STK33: variants seen among roughly 807,000 people sequenced by gnomAD.
STK33 encodes serine/threonine kinase 33.
Under a neutral mutation model 58.0 loss-of-function variants are expected in STK33, and 52 were observed. That is an observed-to-expected ratio of 0.90 (90% CI 0.72 to 1.13). The LOEUF is 1.13. Among genes scored for constraint, STK33 ranks in the 50% most tolerant of loss-of-function variants. The pLI is 0.00. For synonymous variants in STK33, 215 were observed against 200.1 expected, an observed-to-expected ratio of 1.07 and a Z score of -0.63; for missense variants, 630 against 604.2, an observed-to-expected ratio of 1.04 and a Z score of -0.45.
At chr11:8,476,482 A>G (rs1166411638) in intron 4 of STK33, among the ~76,000 whole-genome samples, 1 of 152,210 alleles carries the variant, frequency 6.6e-6, no homozygotes, top group Non-Finnish European at 1.5e-5. Context: ...TTTCTCTCAG[A>G]TACAGTAGCC....
intron 1 of STK33, among the ~76,000 whole-genome samples, chr11:8,488,007 C>T (rs1950308507): frequency 6.6e-6 from 1 of 152,158 alleles, no homozygotes; most frequent in South Asian, 2.1e-4. Flanking sequence ...AAAGTAATAA[C>T]CCACAATCCT....
At position 8,570,887 on chromosome 11, in the gene STK33, T is replaced by TAC. The variant is rs147983182; in HGVS notation, c.-466+23194_-466+23195dup. 2.3e-3 allele frequency among the ~76,000 whole-genome samples: 349 copies of TAC among 152,054 alleles called. 1 individual carries two copies. The highest frequency in any genetic ancestry group is 8.1e-3 in the African/African-American group (336 of 41,500). ...GCAATTACATCTCAGTAAAAGCTGT[T>TAC]ACACACACACACAGACACAGAGGAC... On this transcript the variant is annotated intron_variant, in intron 1 of 15. Transcript: ENST00000687296.
chr11:8,516,962 G>A (rs927964582), intron 1 of STK33, among the ~76,000 whole-genome samples: 6 of 152,196 alleles, frequency 3.9e-5, no homozygotes, highest in Admixed American at 6.5e-5. Flanking sequence ...ACGTCCCTGT[G>A]TGATGGCTTT....
At chr11:8,359,549 G>T in the STK33 span, among the ~76,000 whole-genome samples, 4 of 152,202 alleles carry the variant, frequency 2.6e-5, no homozygotes, top group African/African-American at 4.8e-5. Flanking sequence ...TGGGTGGTCC[G>T]GGCAAGGCTT....
chr11:8,466,724 G>A (rs1948230709), intron 6 of STK33: 1 of 152,294 alleles, frequency 6.6e-6, no homozygotes, highest in African/African-American at 2.4e-5. Context: ...GGGACTCTGT[G>A]TGGGGGCTCC....
chr11:8,567,491 A>G lies in STK33; in HGVS notation c.-466+26592T>C, dbSNP rs146229674. On this transcript the variant is annotated intron_variant, in intron 1 of 15. Transcript: ENST00000687296. Reference sequence around the variant, plus strand: ...TTTCAGAGAATATAAAGAAAAACAAAAGAGTCTTTACAGGAACACATTTCT... The same window carrying G: ...TTTCAGAGAATATAAAGAAAAACAAGAGAGTCTTTACAGGAACACATTTCT... Among the ~76,000 whole-genome samples the G allele has an allele frequency of 1.7e-3, 260 of 152,352 alleles. 1 individual carries two copies. Among genetic ancestry groups the G allele is most frequent in the African/African-American group, 6.0e-3 (251 of 41,580 alleles).
At chr11:8,580,966 A>T (rs2030089170) in intron 1 of STK33, 1 of 150,668 alleles carries the variant, frequency 6.6e-6, no homozygotes, top group Non-Finnish European at 1.5e-5. Context: ...TTGGTCTGGT[A>T]AAAAAAAGAC....
chr11:8,409,544 A>G (rs1438250459), intron 15 of STK33, among the ~76,000 whole-genome samples: 1 of 152,226 alleles, frequency 6.6e-6, no homozygotes. Flanking sequence ...TTTACAGGAA[A>G]GGAATAATTA....
At chr11:8,382,886 G>C in the STK33 span, among the ~76,000 whole-genome samples, 3 of 152,136 alleles carry the variant, frequency 2.0e-5, no homozygotes, top group Admixed American at 1.3e-4. Flanking sequence ...CCAGAGCGCT[G>C]ACTCAACACA....
chr11:8,569,421 A>C (rs558345982), intron 1 of STK33, among the ~76,000 whole-genome samples: 5 of 152,234 alleles, frequency 3.3e-5, no homozygotes, highest in Admixed American at 6.5e-5. Context: ...GGAAAAAAGA[A>C]ACTGAACTTC....
chr11:8,521,862 A>G (rs1009601435), intron 1 of STK33, among the ~76,000 whole-genome samples: 1 of 152,240 alleles, frequency 6.6e-6, no homozygotes, highest in Non-Finnish European at 1.5e-5. Context: ...TGCAGCCAAT[A>G]GACACATGAA....
In STK33 at chr11:8,432,399, G is replaced by A. The variant is rs150102235; in HGVS notation, c.1146+3095C>T. Among the ~76,000 whole-genome samples the A allele has an allele frequency of 2.6e-5, 4 of 152,178 alleles. No individual in the cohort carries two copies. The East Asian group carries it at 5.8e-4, about 22-fold the overall frequency. ...AAGAAATGAATGAAAGAAAAGAACC[G>A]GCATACTCCGGCCATTAGAGTCAAA... On this transcript the variant is annotated intron_variant, in intron 14 of 15. Coordinates refer to ENST00000687296, the MANE Select transcript of STK33 (RefSeq NM_001352389.2).
intron 14 of STK33, among the ~76,000 whole-genome samples, chr11:8,415,478 A>G (rs1940981615): frequency 6.6e-6 from 1 of 152,112 alleles, no homozygotes. Context: ...TCATGTTTCC[A>G]ATTCCTGAAC....
At chr11:8,460,969 C>T (rs10840052) in intron 8 of STK33, among the ~76,000 whole-genome samples, 11,058 of 152,178 alleles carry the variant, frequency 0.073, 529 homozygotes, top group Non-Finnish European at 0.1. Flanking sequence ...AGACAAAGAA[C>T]AATAGAGAAA....
rs1221176197 is a variant in STK33, at chr11:8,474,784, T to C, written c.122A>G (p.Glu41Gly). ...KTRVPPVLVV[E>G]MSQTSSIGSA... is the part of the protein sequence containing the mutation. The stretch of plus-strand genomic sequence containing the variant: ...ACCAATGCTTGATGTCTGTGACATT[T>C]CCACCACCAAAACTGGAGGAACCCT... The change falls in exon 5 of 16, where the codon GAA becomes GGA. Residue 41 changes from glutamate (E) to glycine (G), a missense_variant. Physicochemically the swap from Glu to Gly is moderately conservative, Grantham distance 98 (BLOSUM62 -2). Transcript: ENST00000687296. 1 of 1,613,628 alleles carries C rather than the reference T, an allele frequency of 6.2e-7. No homozygotes were observed. Among genetic ancestry groups the C allele is most frequent in the Non-Finnish European group, 8.5e-7 (1 of 1,179,822 alleles).
In STK33 at chr11:8,492,375, T is replaced by C. The variant is rs557655450; in HGVS notation, c.-465-11761A>G. ...AGGCCACTACATAATGGTAAAGGGA[T>C]CAATTCAACAAGAAGAGCTAACTAT... On this transcript the variant is annotated intron_variant, in intron 1 of 15. Transcript: ENST00000687296. Among the ~76,000 whole-genome samples, 10 of 152,160 alleles carry C rather than the reference T, an allele frequency of 6.6e-5. No individual in the cohort carries two copies. The East Asian group carries it at 1.9e-3, about 29-fold the overall frequency.
rs1381000639 is a variant in STK33, at chr11:8,392,469, G to C, written c.*41C>G. On this transcript the variant is annotated 3_prime_UTR_variant, in exon 16 of 16. Transcript: ENST00000687296. Reference sequence around the variant, plus strand: ...TACCCCCTCATCAAAGTGCTAACAAGAGCAGCTTTGTTTTTGTACTGTCCA... The same window carrying C: ...TACCCCCTCATCAAAGTGCTAACAACAGCAGCTTTGTTTTTGTACTGTCCA... 19 of 1,608,788 alleles carry C rather than the reference G, an allele frequency of 1.2e-5. No homozygotes were observed. Among genetic ancestry groups the C allele is most frequent in the Non-Finnish European group, 1.6e-5 (19 of 1,176,762 alleles).
At chr11:8,451,491 A>G (rs979659577) in intron 11 of STK33, among the ~76,000 whole-genome samples, 3 of 152,338 alleles carry the variant, frequency 2.0e-5, no homozygotes, top group Admixed American at 1.3e-4. Context: ...GTAAAAGACT[A>G]CATGTTTTAT....
intron 10 of STK33, 142 bp downstream of exon 10, chr11:8,454,602 T>A: frequency 2.0e-6 from 2 of 998,510 alleles, no homozygotes; most frequent in Non-Finnish European, 2.7e-6. Flanking sequence ...CAACCTCTTG[T>A]GAAATTTTTA....
Sources: allele counts gnomAD v4.1 joint callset (sites outside exome capture counted in the v4.1 genomes callset), GRCh38; gene constraint gnomAD v4.1.1; transcripts MANE v1.5; gene names NCBI Gene and HGNC (gene_info 2026-07-23, HGNC 2026-07-21).